Variants in RUNX1T1 observed in about 807,000 individuals in gnomAD.
RUNX1T1 encodes the protein protein CBFA2T1.
Under a neutral mutation model 62.8 loss-of-function variants are expected in RUNX1T1, and 4 were observed. The ratio of observed to expected loss-of-function variants is 0.06; its 90% CI spans 0.03 to 0.15. The LOEUF (loss-of-function observed/expected upper bound fraction) is 0.15, where lower values mean the gene tolerates loss of function less well. Among genes scored for constraint, RUNX1T1 ranks in the 10% least tolerant of loss-of-function variants. The probability of loss-of-function intolerance (pLI) is 1.00; values close to 1 mark genes in which losing one functional copy is unlikely to be tolerated. For missense variants in RUNX1T1, 508 were observed against 754.3 expected (o/e 0.67, Z 3.82); for synonymous variants, 291 against 286.0 (o/e 1.02, Z -0.18).
At chr8:92,028,881 A>G (rs1825741054) in intron 1 of RUNX1T1, among the ~76,000 whole-genome samples, 1 of 152,202 alleles carries the variant, frequency 6.6e-6, no homozygotes, top group African/African-American at 2.4e-5. Flanking sequence ...AAAACAAACA[A>G]AAAACAAAAA....
intron 8 of RUNX1T1, among the ~76,000 whole-genome samples, chr8:91,984,193 C>T (rs1015943399): frequency 1.3e-5 from 2 of 151,810 alleles, no homozygotes; most frequent in African/African-American, 2.4e-5. Context: ...TTTTTTTAAA[C>T]CAAGTTTATT....
exon 11 of RUNX1T1, chr8:91,958,990 A>C (rs1377586133): frequency 9.7e-6 from 2 of 205,732 alleles, no homozygotes; most frequent in African/African-American, 2.3e-5. Context: ...AAATATCACT[A>C]ATACATACAG....
chr8:92,071,162 T>C (rs1380648942), intron 2 of RUNX1T1: 1 of 152,198 alleles, frequency 6.6e-6, no homozygotes, highest in African/African-American at 2.4e-5. Flanking sequence ...ACAGCAAATG[T>C]CAAAGACCAT....
chr8:92,073,440 G>A (rs1263019706), intron 2 of RUNX1T1, among the ~76,000 whole-genome samples: 2 of 152,028 alleles, frequency 1.3e-5, no homozygotes, highest in Non-Finnish European at 2.9e-5. Flanking sequence ...AACTTGCTAC[G>A]CAGACCAGAC....
chr8:92,072,635 T>C (rs185161061), intron 2 of RUNX1T1, among the ~76,000 whole-genome samples: 7 of 152,348 alleles, frequency 4.6e-5, no homozygotes, highest in Admixed American at 2.6e-4. Context: ...CAAATTCCTA[T>C]AGAGGCAAAG....
intron 1 of RUNX1T1, among the ~76,000 whole-genome samples, chr8:92,091,421 T>C (rs1238140582): frequency 1.3e-5 from 2 of 152,194 alleles, no homozygotes; most frequent in African/African-American, 4.8e-5. Flanking sequence ...TCTTACACTT[T>C]AAACATCAAC....
chr8:92,038,649 A>G (rs1470344133), intron 1 of RUNX1T1, among the ~76,000 whole-genome samples: 1 of 152,158 alleles, frequency 6.6e-6, no homozygotes. Flanking sequence ...ACCAGGTTGC[A>G]TTCATCTCAA....
chr8:91,974,682 A>C (rs2130680495), intron 9 of RUNX1T1, among the ~76,000 whole-genome samples: 1 of 152,244 alleles, frequency 6.6e-6, no homozygotes, highest in South Asian at 2.1e-4. Context: ...TATTACAGTA[A>C]ATCTGGTAAA....
At chr8:91,965,983 C>T (rs1811517580) in intron 10 of RUNX1T1, among the ~76,000 whole-genome samples, 3 of 151,932 alleles carry the variant, frequency 2.0e-5, no homozygotes, top group South Asian at 4.2e-4. Flanking sequence ...ATCACAGAAA[C>T]GTTATCCCAA....
chr8:92,034,058 C>A (rs934970006), intron 1 of RUNX1T1, among the ~76,000 whole-genome samples: 1 of 151,848 alleles, frequency 6.6e-6, no homozygotes, highest in African/African-American at 2.4e-5. Context: ...TTCAAGACAA[C>A]CAAAAGGGAA....
intron 1 of RUNX1T1, among the ~76,000 whole-genome samples, chr8:92,093,658 T>A (rs1174096705): frequency 6.6e-6 from 1 of 152,164 alleles, no homozygotes; most frequent in Non-Finnish European, 1.5e-5. Context: ...AACTTACACA[T>A]TATTTTATGA....
At chr8:92,070,745 C>T (rs975440596) in intron 2 of RUNX1T1, among the ~76,000 whole-genome samples, 1 of 152,258 alleles carries the variant, frequency 6.6e-6, no homozygotes, top group Non-Finnish European at 1.5e-5. Context: ...AAGGTATATA[C>T]TGCTCTCTTT....
At chr8:91,994,580 C>A (rs1818325240) in intron 5 of RUNX1T1, 1 of 496,072 alleles carries the variant, frequency 2.0e-6, no homozygotes, top group African/African-American at 1.9e-5. Context: ...AGCTGTGTGA[C>A]CTTGGTCAAG....
intron 1 of RUNX1T1, among the ~76,000 whole-genome samples, chr8:92,087,143 A>G (rs1836251376): frequency 6.6e-6 from 1 of 152,180 alleles, no homozygotes; most frequent in Non-Finnish European, 1.5e-5. Context: ...TATGGTGGTT[A>G]GGGGATGGAA....
chr8:92,082,676 C>T (rs898901970), intron 1 of RUNX1T1, among the ~76,000 whole-genome samples: 1 of 152,170 alleles, frequency 6.6e-6, no homozygotes, highest in Non-Finnish European at 1.5e-5. Context: ...TTGTGAGCCA[C>T]GGCATCTCAG....
intron 1 of RUNX1T1, among the ~76,000 whole-genome samples, chr8:92,028,047 C>T (rs954875408): frequency 4.8e-4 from 57 of 117,734 alleles, no homozygotes; most frequent in African/African-American, 1.8e-3. Flanking sequence ...ATTGGATGGA[C>T]GGACAGATGG....
At chr8:92,057,419 A>G (rs1482813282) in intron 1 of RUNX1T1, among the ~76,000 whole-genome samples, 3 of 152,216 alleles carry the variant, frequency 2.0e-5, no homozygotes, top group Admixed American at 2.0e-4. Context: ...TCTGATCTTC[A>G]GGCTTCAAAT....
At chr8:92,076,091 C>G (rs371767429) in exon 2 of RUNX1T1, 15 of 1,598,816 alleles carry the variant, frequency 9.4e-6, no homozygotes, top group Non-Finnish European at 1.1e-5. Flanking sequence ...CTCTCCTTTT[C>G]TGACTGGGAC....
At chr8:91,987,457 A>G (rs532550671) in intron 6 of RUNX1T1, among the ~76,000 whole-genome samples, 2 of 152,314 alleles carry the variant, frequency 1.3e-5, no homozygotes, top group South Asian at 4.1e-4. Context: ...AATGAATACA[A>G]TCCTAATACA....
Sources: gnomAD v4.1 joint callset for allele counts (sites outside exome capture counted in the v4.1 genomes callset) on GRCh38, gnomAD v4.1.1 for gene constraint, MANE v1.5 for transcripts, NCBI Gene and HGNC (gene_info 2026-07-23, HGNC 2026-07-21) for gene names.